SRBD1: variants seen among roughly 807,000 people sequenced by gnomAD.
SRBD1 encodes the protein S1 RNA binding domain 1, also known as S1 RNA-binding domain-containing protein 1.
A neutral mutation model predicts 115.3 loss-of-function variants in SRBD1; 88 were observed. The observed-to-expected ratio is 0.76, with a 90% confidence interval of 0.64 to 0.91. SRBD1 has a LOEUF of 0.91. Among genes scored for constraint, SRBD1 ranks in the 40% least tolerant of loss-of-function variants. The probability of loss-of-function intolerance (pLI) is 0.00; values close to 1 mark genes in which losing one functional copy is unlikely to be tolerated. For missense variants in SRBD1, 1,385 were observed against 1,177.4 expected, an observed-to-expected ratio of 1.18 and a Z score of -2.58; for synonymous variants, 509 against 407.7, an observed-to-expected ratio of 1.25 and a Z score of -2.99.
chr2:45,421,573 T>G (rs1389911953), intron 16 of SRBD1, among the ~76,000 whole-genome samples: 4 of 136,046 alleles, frequency 2.9e-5, no homozygotes, highest in Non-Finnish European at 6.2e-5. Flanking sequence ...TTACAATTGA[T>G]GAAATGCAAT....
intron 4 of SRBD1, among the ~76,000 whole-genome samples, chr2:45,598,834 A>C (rs1323563526): frequency 6.6e-6 from 1 of 152,124 alleles, no homozygotes; most frequent in Non-Finnish European, 1.5e-5. Context: ...AGGCACTACC[A>C]TAATTAAGTC....
chr2:45,499,406 C>A (rs1670557647), intron 14 of SRBD1, among the ~76,000 whole-genome samples: 2 of 151,920 alleles, frequency 1.3e-5, no homozygotes, highest in South Asian at 4.1e-4. Context: ...GTTATTAATC[C>A]CTTTGTGATA....
chr2:45,590,823 C>T (rs1451783489), intron 4 of SRBD1, among the ~76,000 whole-genome samples: 2 of 152,040 alleles, frequency 1.3e-5, no homozygotes, highest in Non-Finnish European at 2.9e-5. Flanking sequence ...TCGAGACTGG[C>T]CTGATCAATA....
intron 14 of SRBD1, among the ~76,000 whole-genome samples, chr2:45,534,083 T>C (rs915668013): frequency 2.6e-5 from 4 of 151,954 alleles, no homozygotes; most frequent in Non-Finnish European, 4.4e-5. Flanking sequence ...ACACATGGGT[T>C]ACAAAACTGG....
At position 45,585,781 on chromosome 2, in the gene SRBD1, AT is replaced by A. The variant is rs760095499; in HGVS notation, c.649-8del. 1.9e-6 allele frequency: 3 copies of A among 1,582,828 alleles called. No individual in the cohort carries two copies. In the African/African-American group the frequency reaches 4.1e-5, roughly 22 times the overall value. On this transcript the variant is annotated splice_region_variant and splice_polypyrimidine_tract_variant and intron_variant, in intron 4 of 20. Coordinates refer to ENST00000263736, the MANE Select transcript of SRBD1 (RefSeq NM_018079.5). ...TAGTTCTCTCAGATAAAACCTGCAA[AT>A]TAAAGATACTTAGTGATTTAAAATG...
At chr2:45,501,926 G>C (rs1670643670) in intron 14 of SRBD1, among the ~76,000 whole-genome samples, 1 of 152,212 alleles carries the variant, frequency 6.6e-6, no homozygotes, top group Non-Finnish European at 1.5e-5. Context: ...CTGTCTGACA[G>C]CTTTGAAGAG....
At chr2:45,394,960 A>G (rs1667102191) in intron 19 of SRBD1, among the ~76,000 whole-genome samples, 1 of 152,212 alleles carries the variant, frequency 6.6e-6, no homozygotes, top group African/African-American at 2.4e-5. Context: ...GTGGAAAGGC[A>G]GCCGGTATCT....
At position 45,609,464 on chromosome 2, in the gene SRBD1, T is replaced by G. The variant is rs1258032864; in HGVS notation, c.-1+1755A>C. On this transcript the variant is annotated intron_variant, in intron 1 of 20. Coordinates refer to ENST00000263736, the MANE Select transcript of SRBD1 (RefSeq NM_018079.5). ...CTTGCCCCTGCAACTCATTCTCCAC[T>G]TATCAACTCAAGATCATTTAGAATA... 2.0e-5 allele frequency among the ~76,000 whole-genome samples: 3 copies of G among 152,278 alleles called. No individual in the cohort carries two copies. The East Asian group carries it at 5.8e-4, about 29-fold the overall frequency.
At chr2:45,507,987 G>T (rs1416028393) in intron 14 of SRBD1, among the ~76,000 whole-genome samples, 1 of 151,984 alleles carries the variant, frequency 6.6e-6, no homozygotes, top group Non-Finnish European at 1.5e-5. Context: ...TACCTAAAAG[G>T]AATGACATTT....
In SRBD1 at chr2:45,598,149, C is replaced by T. The variant is rs374786563; in HGVS notation, c.648+1300G>A. Among the ~76,000 whole-genome samples, 69 of 152,268 alleles carry T rather than the reference C, an allele frequency of 4.5e-4. No individual in the cohort carries two copies. In the South Asian group the frequency reaches 6.8e-3, roughly 15 times the overall value. On this transcript the variant is annotated intron_variant, in intron 4 of 20. Coordinates refer to ENST00000263736, the MANE Select transcript of SRBD1 (RefSeq NM_018079.5). ...CCATGGACCACACTTTAAAACACTG[C>T]CTTCTAGGTATAAATGAACAAAGAA...
At chr2:45,418,229 C>G in intron 18 of SRBD1, 136 bp downstream of exon 18, 2 of 965,278 alleles carry the variant, frequency 2.1e-6, no homozygotes, top group Non-Finnish European at 3.0e-6. Flanking sequence ...TACCAAAGGA[C>G]AGTCACTCAA....
intron 19 of SRBD1, among the ~76,000 whole-genome samples, chr2:45,395,668 A>T (rs1007366280): frequency 1.3e-5 from 2 of 152,200 alleles, no homozygotes; most frequent in African/African-American, 4.8e-5. Context: ...TAAAGTTAAC[A>T]AGGTCACGCA....
intron 9 of SRBD1, among the ~76,000 whole-genome samples, chr2:45,567,137 A>T (rs1672854106): frequency 6.6e-6 from 1 of 152,192 alleles, no homozygotes; most frequent in African/African-American, 2.4e-5. Flanking sequence ...GAATGTCAAA[A>T]GATAAAACGC....
At chr2:45,465,468 G>C (rs1669457993) in intron 16 of SRBD1, among the ~76,000 whole-genome samples, 1 of 151,992 alleles carries the variant, frequency 6.6e-6, no homozygotes, top group Admixed American at 6.6e-5. Flanking sequence ...AAATTCTGAT[G>C]GGAAATGATC....
intron 4 of SRBD1, among the ~76,000 whole-genome samples, chr2:45,596,581 T>A (rs1333169500): frequency 6.6e-6 from 1 of 152,180 alleles, no homozygotes; most frequent in African/African-American, 2.4e-5. Flanking sequence ...AACAAAACTG[T>A]TTTCTGTCTA....
intron 16 of SRBD1, among the ~76,000 whole-genome samples, chr2:45,438,087 A>G (rs1045836887): frequency 2.0e-5 from 3 of 152,162 alleles, no homozygotes; most frequent in African/African-American, 7.2e-5. Flanking sequence ...GAATGTTGAG[A>G]CTGGAGGGGG....
At chr2:45,419,702 A>G in intron 17 of SRBD1, 86 bp downstream of exon 17, 1 of 1,147,652 alleles carries the variant, frequency 8.7e-7, no homozygotes, top group Non-Finnish European at 1.3e-6. Flanking sequence ...AACTTTATAC[A>G]CGTGTTCCCT....
intron 16 of SRBD1, among the ~76,000 whole-genome samples, chr2:45,442,575 T>C (rs1024705471): frequency 2.8e-4 from 42 of 152,208 alleles, no homozygotes; most frequent in African/African-American, 9.9e-4. Context: ...AACTCCTCTT[T>C]ACCAGGGAGA....
intron 10 of SRBD1, among the ~76,000 whole-genome samples, chr2:45,554,917 C>G (rs1320930379): frequency 6.6e-6 from 1 of 152,168 alleles, no homozygotes; most frequent in Non-Finnish European, 1.5e-5. Context: ...TTTGAATACT[C>G]TTTCAGGTCC....
Sources: gnomAD v4.1 joint callset for allele counts (sites outside exome capture counted in the v4.1 genomes callset) on GRCh38, gnomAD v4.1.1 for gene constraint, MANE v1.5 for transcripts, NCBI Gene and HGNC (gene_info 2026-07-23, HGNC 2026-07-21) for gene names.